The following RC3H2 variants were observed in gnomAD, a reference collection of about 807,000 sequenced individuals.
The protein encoded by RC3H2 is roquin-2.
In RC3H2, 31 loss-of-function variants were observed where a neutral mutation model predicts 133.3. The ratio of observed to expected loss-of-function variants is 0.23; its 90% CI spans 0.17 to 0.31. The LOEUF is 0.31. Among genes scored for constraint, RC3H2 ranks in the 10% least tolerant of loss-of-function variants. The probability of loss-of-function intolerance (pLI) is 1.00; values close to 1 mark genes in which losing one functional copy is unlikely to be tolerated. For synonymous variants in RC3H2, 517 were observed against 502.2 expected, an observed-to-expected ratio of 1.03 and a Z score of -0.40; for missense variants, 1,175 against 1,437.2, an observed-to-expected ratio of 0.82 and a Z score of 2.95.
intron 4 of RC3H2, among the ~76,000 whole-genome samples, chr9:122,885,865 GTTTTTTGTT>G (rs1347157587): frequency 6.6e-6 from 1 of 151,820 alleles, no homozygotes; most frequent in African/African-American, 2.4e-5. Flanking sequence ...CATTTAACGT[GTTTTTTGTT>G]TTGTTTTGTT....
intron 13 of RC3H2, among the ~76,000 whole-genome samples, chr9:122,857,302 A>G (rs972164285): frequency 2.0e-5 from 3 of 152,250 alleles, no homozygotes; most frequent in Non-Finnish European, 4.4e-5. Context: ...TTCTCCAAAT[A>G]TAACAGTACT....
chr9:122,862,795 T>C (rs1479345708), intron 10 of RC3H2, among the ~76,000 whole-genome samples: 2 of 147,914 alleles, frequency 1.4e-5, no homozygotes, highest in Middle Eastern at 3.3e-3. Flanking sequence ...CTTAGGAGGC[T>C]GAGGCAGGAG....
At chr9:122,901,586 C>CTTTTTT (rs11309716) in intron 1 of RC3H2, among the ~76,000 whole-genome samples, 8 of 119,998 alleles carry the variant, frequency 6.7e-5, no homozygotes, top group Admixed American at 8.8e-5. Flanking sequence ...CCAATGCATT[C>CTTTTTT]TTTTTTTTTT....
intron 9 of RC3H2, 94 bp from the exon 10 acceptor site, chr9:122,865,751 G>A (rs1564292690): frequency 2.8e-6 from 3 of 1,069,362 alleles, no homozygotes; most frequent in Admixed American, 2.3e-5. Flanking sequence ...GATTGAAAAA[G>A]GAGGAAACAG....
intron 2 of RC3H2, among the ~76,000 whole-genome samples, chr9:122,896,638 T>C (rs886135102): frequency 2.0e-5 from 3 of 152,180 alleles, no homozygotes; most frequent in African/African-American, 2.4e-5. Flanking sequence ...CTAAACATAC[T>C]ATATACCTAT....
At position 122,867,671 on chromosome 9, in the gene RC3H2, C is replaced by T. The variant is rs545936999; in HGVS notation, c.1326-2014G>A. ...CTGAGATGTGGGGAGCGCCTTTGCC[C>T]CACCGCCCCGTCTGGGATGTGAGGA... On this transcript the variant is annotated intron_variant, in intron 9 of 20. Coordinates refer to ENST00000357244, the MANE Select transcript of RC3H2 (RefSeq NM_001100588.3). Among the ~76,000 whole-genome samples the T allele has an allele frequency of 5.3e-5, 6 of 113,146 alleles. 1 individual carries two copies. Among genetic ancestry groups the T allele is most frequent in the Admixed American group, 4.0e-4 (5 of 12,508 alleles). The allele number at this position is 113,146 out of a possible 152,430, so 74.2% of individuals were successfully genotyped here. A position where few individuals can be genotyped will look rare whatever the true frequency, so the allele number is the denominator to read the frequency against.
In RC3H2 at chr9:122,879,787, T is replaced by C. The variant is rs1831523852; in HGVS notation, c.1180A>G (p.Asn394Asp). 21 of 1,613,250 alleles carry C rather than the reference T, an allele frequency of 1.3e-5. No individual in the cohort carries two copies. The highest frequency in any genetic ancestry group is 1.8e-5 in the Non-Finnish European group (21 of 1,179,644). Residue 394 changes from asparagine to aspartate, a missense_variant, in exon 8 of 21, where the codon AAT becomes GAT. By Grantham distance (23) the Asn-to-Asp change is conservative. Coordinates refer to ENST00000357244, the MANE Select transcript of RC3H2 (RefSeq NM_001100588.3). ...GTCTCATGGCCTTTTCTACTATAATTTTGTATGAAGTCCACAAGGCCATGA... is the reference window on the plus strand; with the variant it reads ...GTCTCATGGCCTTTTCTACTATAATCTTGTATGAAGTCCACAAGGCCATGA... ...VVHGLVDFIQ[N>D]YSRKGHETPQ...
In RC3H2 at chr9:122,899,090, G is replaced by GTTT. The variant is rs1183512993; in HGVS notation, c.-67-1517_-67-1515dup. 1.1e-3 allele frequency among the ~76,000 whole-genome samples: 97 copies of GTTT among 88,392 alleles called. 5 individuals carry two copies. The highest frequency in any genetic ancestry group is 4.4e-3 in the African/African-American group (92 of 20,788). 58.0% of individuals were successfully genotyped at this position (88,392 alleles called of 152,430 possible). On this transcript the variant is annotated intron_variant, in intron 1 of 20. Transcript: ENST00000357244. ...AAAAAATTCTATTAGCCTTTATTGT[G>GTTT]TTTTTTTTTTTTTTTTTTTTTTTTT...
chr9:122,858,961 C>T lies in RC3H2; in HGVS notation c.1991G>A (p.Arg664Gln), dbSNP rs368997718. Reference protein sequence around the residue: ...YADHYSTFSPRDRMNSSPYQP... With the variant: ...YADHYSTFSPQDRMNSSPYQP... ...GTAAGGAGAAGAATTCATTCGATCT[C>T]GAGGGGAAAATGTACTGTAATGATC... Residue 664 changes from arginine to glutamine, a missense_variant, in exon 12 of 21, where the codon CGA becomes CAA. Arg to Gln is a conservative substitution (Grantham distance 43, BLOSUM62 1). Around this residue, in one of 8 missense-constraint regions of RC3H2, gnomAD observed 490 missense variants for 492.8 expected, o/e 0.99. Transcript: ENST00000357244. 1.2e-5 allele frequency: 20 copies of T among 1,613,886 alleles called. No individual in the cohort carries two copies. Among genetic ancestry groups the T allele is most frequent in the Non-Finnish European group, 1.6e-5 (19 of 1,179,992 alleles).
In RC3H2 at chr9:122,896,798, G is replaced by A. The variant is rs185273188; in HGVS notation, c.231+481C>T. Among the ~76,000 whole-genome samples the A allele has an allele frequency of 1.1e-4, 17 of 151,936 alleles. No individual in the cohort carries two copies. In the East Asian group the frequency reaches 1.9e-3, roughly 17 times the overall value. ...AGCACCCTGGGAGGCTGAGGTGGGC[G>A]GATCACCTGACGTCAGGAGCTCCAG... On this transcript the variant is annotated intron_variant, in intron 2 of 20. Transcript: ENST00000357244.
intron 10 of RC3H2, among the ~76,000 whole-genome samples, chr9:122,862,293 C>G (rs1215412717): frequency 6.6e-6 from 1 of 152,156 alleles, no homozygotes; most frequent in Non-Finnish European, 1.5e-5. Flanking sequence ...AAAATTGGAA[C>G]TTATAGAAAA....
At chr9:122,900,775 C>G (rs543380371) in intron 1 of RC3H2, among the ~76,000 whole-genome samples, 1 of 152,072 alleles carries the variant, frequency 6.6e-6, no homozygotes, top group African/African-American at 2.4e-5. Flanking sequence ...CTCAAGATAC[C>G]TAAAGTGATT....
intron 5 of RC3H2, 107 bp downstream of exon 5, chr9:122,883,097 C>T (rs1831724481): frequency 9.6e-7 from 1 of 1,046,200 alleles, no homozygotes. Flanking sequence ...CCTCTCAACT[C>T]TTGTAAGCAT....
intron 14 of RC3H2, 107 bp from the exon 15 acceptor site, chr9:122,855,504 C>G: frequency 8.9e-7 from 1 of 1,121,216 alleles, no homozygotes; most frequent in Non-Finnish European, 1.3e-6. Flanking sequence ...TAATTTAAAA[C>G]TAGCTCTAGA....
intron 8 of RC3H2, among the ~76,000 whole-genome samples, chr9:122,877,970 CAGAAAAGGT>C (rs1831412172): frequency 6.6e-6 from 1 of 151,992 alleles, no homozygotes; most frequent in Admixed American, 6.5e-5. Context: ...TAAACTTTCT[CAGAAAAGGT>C]AGAATACAAT....
chr9:122,853,887 A>T (rs1355597589), intron 18 of RC3H2, 65 bp downstream of exon 18: 2 of 1,614,204 alleles, frequency 1.2e-6, no homozygotes, highest in Admixed American at 3.3e-5. Flanking sequence ...GTAATGGTAT[A>T]ACCAAGATGC....
chr9:122,860,245 G>C (rs1030446271), intron 10 of RC3H2, 114 bp from the exon 11 acceptor site: 1 of 743,472 alleles, frequency 1.3e-6, no homozygotes. Flanking sequence ...AAACACTTCA[G>C]ACATTGCCAC....
At chr9:122,889,381 A>G (rs188957930) in intron 4 of RC3H2, among the ~76,000 whole-genome samples, 1 of 152,268 alleles carries the variant, frequency 6.6e-6, no homozygotes, top group East Asian at 1.9e-4. Flanking sequence ...TGTAATTTAT[A>G]TAGTTTATAG....
chr9:122,851,804 T>C (rs534885853), intron 18 of RC3H2, among the ~76,000 whole-genome samples: 12 of 152,348 alleles, frequency 7.9e-5, no homozygotes, highest in South Asian at 2.1e-4. Context: ...CAGTGCTCAA[T>C]GGCGCCCAGG....
Sources: gnomAD v4.1 joint callset for allele counts (sites outside exome capture counted in the v4.1 genomes callset) on GRCh38, gnomAD v4.1.1 for gene constraint, gnomAD v4.1.1 regional missense constraint, MANE v1.5 for transcripts, NCBI Gene and HGNC (gene_info 2026-07-23, HGNC 2026-07-21) for gene names.